The following GNG7 variants were observed in gnomAD, a reference collection of about 807,000 sequenced individuals.
GNG7 encodes guanine nucleotide-binding protein G(I)/G(S)/G(O) subunit gamma-7.
Under a neutral mutation model 4.0 loss-of-function variants are expected in GNG7, and 1 was observed. The ratio of observed to expected loss-of-function variants is 0.25; its 90% confidence interval spans 0.09 to 1.18. The LOEUF is 1.18. GNG7 is among the 50% of genes most tolerant of loss of function. The pLI is 0.50. For missense variants in GNG7, 86 were observed against 91.9 expected (o/e 0.94, Z 0.26); for synonymous variants, 34 against 36.9 (o/e 0.92, Z 0.29).
intron 2 of GNG7, among the ~76,000 whole-genome samples, chr19:2,608,753 T>C (rs1237290286): frequency 6.6e-6 from 1 of 152,160 alleles, no homozygotes; most frequent in East Asian, 1.9e-4. Flanking sequence ...GCACTGAGGC[T>C]GTCAGGGGGC....
At chr19:2,547,683 A>AACCCTAG (rs1568238812) in intron 3 of GNG7, among the ~76,000 whole-genome samples, 2 of 152,016 alleles carry the variant, frequency 1.3e-5, no homozygotes, top group African/African-American at 4.8e-5. Context: ...CATCCCAGAC[A>AACCCTAG]CTGGGTACCA....
chr19:2,639,439 C>T (rs959764355), intron 2 of GNG7, among the ~76,000 whole-genome samples: 1 of 96,482 alleles, frequency 1.0e-5, no homozygotes, highest in Non-Finnish European at 2.2e-5. Flanking sequence ...ATTCACCGGC[C>T]ACCAAGGACA....
intron 2 of GNG7, among the ~76,000 whole-genome samples, chr19:2,603,100 CT>C (rs1981264453): frequency 6.7e-6 from 1 of 150,252 alleles, no homozygotes; most frequent in African/African-American, 2.5e-5. Context: ...GAGTTTCGCT[CT>C]TGTTGCCCAG....
At chr19:2,579,079 G>A (rs1039887818) in intron 2 of GNG7, among the ~76,000 whole-genome samples, 2 of 152,216 alleles carry the variant, frequency 1.3e-5, no homozygotes, top group Admixed American at 6.5e-5. Context: ...CTCGTCTCCG[G>A]CCCTGGCAGC....
intron 2 of GNG7, among the ~76,000 whole-genome samples, chr19:2,601,417 G>C (rs957917186): frequency 2.3e-4 from 35 of 152,210 alleles, no homozygotes; most frequent in African/African-American, 8.4e-4. Context: ...GGCGCGGCTC[G>C]TGCCTATTGC....
chr19:2,629,089 G>A (rs1319158393), intron 2 of GNG7, among the ~76,000 whole-genome samples: 1 of 152,132 alleles, frequency 6.6e-6, no homozygotes. Context: ...CACACAAAGT[G>A]GCCCCCAAGG....
chr19:2,676,617 T>C (rs1460808129), intron 1 of GNG7, among the ~76,000 whole-genome samples: 1 of 152,128 alleles, frequency 6.6e-6, no homozygotes, highest in Non-Finnish European at 1.5e-5. Context: ...GGTTTCACCA[T>C]GTTGCCCAAG....
At chr19:2,568,415 T>C (rs62646523) in intron 2 of GNG7, among the ~76,000 whole-genome samples, 12 of 62,184 alleles carry the variant, frequency 1.9e-4, no homozygotes, top group Admixed American at 9.8e-4. Flanking sequence ...CATATACACA[T>C]AGACATACAC....
At chr19:2,661,341 A>AAAGAAAGAAAGAAAGAAAGAAAGG (rs1983170497) in intron 1 of GNG7, among the ~76,000 whole-genome samples, 1 of 148,980 alleles carries the variant, frequency 6.7e-6, no homozygotes, top group African/African-American at 2.5e-5. Context: ...AGAAAGAAAG[A>AAAGAAAGAAAGAAAGAAAGAAAGG]AAGAAAGAAA....
At chr19:2,642,209 G>T (rs947990002) in intron 2 of GNG7, 1 of 167,102 alleles carries the variant, frequency 6.0e-6, no homozygotes, top group Non-Finnish European at 1.3e-5. Flanking sequence ...TCTGGGACAG[G>T]TCATGGAGAA....
At chr19:2,696,215 AAGAGAGGAG>A (rs1032126328) in intron 1 of GNG7, among the ~76,000 whole-genome samples, 7 of 144,000 alleles carry the variant, frequency 4.9e-5, no homozygotes, top group East Asian at 2.0e-4. Context: ...GGAGAGAGGG[AAGAGAGGAG>A]AGAGAGGAGA....
chr19:2,683,288 TG>T (rs992492321), intron 1 of GNG7, among the ~76,000 whole-genome samples: 4 of 149,290 alleles, frequency 2.7e-5, no homozygotes, highest in Admixed American at 6.7e-5. Flanking sequence ...TAGGCCAGCC[TG>T]GGTGGGAGGC....
rs943186368 is a variant in GNG7, at chr19:2,614,002, G to C, written c.-78+32222C>G. On this transcript the variant is annotated intron_variant, in intron 2 of 4. Coordinates refer to ENST00000382159, the MANE Select transcript of GNG7 (RefSeq NM_052847.3). This position sits in a 1 kb window ranked among gnomAD's most constrained non-coding sequence, Gnocchi z 6.0. The stretch of plus-strand genomic sequence containing the variant: ...CGGCCACAGCGACATCTAAAGGCCG[G>C]CAAGTGCAATGCAGAATCCACCCAG... Among the ~76,000 whole-genome samples, 2 of 152,232 alleles carry C rather than the reference G, an allele frequency of 1.3e-5. No individual in the cohort carries two copies. Among genetic ancestry groups the C allele is most frequent in the Admixed American group, 1.3e-4 (2 of 15,284 alleles).
chr19:2,587,515 T>C (rs1980710368), intron 2 of GNG7, among the ~76,000 whole-genome samples: 1 of 152,118 alleles, frequency 6.6e-6, no homozygotes, highest in Non-Finnish European at 1.5e-5. Flanking sequence ...GCAGAGGCTC[T>C]GGCCGGTGAG....
At chr19:2,620,009 C>G (rs1981824253) in intron 2 of GNG7, among the ~76,000 whole-genome samples, 1 of 151,318 alleles carries the variant, frequency 6.6e-6, no homozygotes, top group Non-Finnish European at 1.5e-5. Context: ...ACCAGCCTGA[C>G]CAACATAAAG....
intron 3 of GNG7, among the ~76,000 whole-genome samples, chr19:2,521,612 G>GTTTTTT (rs71178284): frequency 0.064 from 6,672 of 104,410 alleles, 763 homozygotes; most frequent in African/African-American, 0.16. Context: ...CCCCCTCCGT[G>GTTTTTT]TTTTTTTTTT....
chr19:2,694,219 T>A (rs1427072433), intron 1 of GNG7, among the ~76,000 whole-genome samples: 1 of 151,262 alleles, frequency 6.6e-6, no homozygotes, highest in Non-Finnish European at 1.5e-5. Flanking sequence ...TGGGGAGATT[T>A]TTTTGTTGCT....
In GNG7 at chr19:2,670,041, G is replaced by A. The variant is rs539327617; in HGVS notation, c.-134-23761C>T. ...AAAAAAAAAAGAAAGAAAAAGAAAA[G>A]GTGTGTGGACACCTCACAAGACAGA... On this transcript the variant is annotated intron_variant, in intron 1 of 4. Transcript: ENST00000382159. Among the ~76,000 whole-genome samples the A allele has an allele frequency of 3.3e-5, 5 of 151,288 alleles. No homozygotes were observed. In the East Asian group the frequency reaches 9.7e-4, roughly 29 times the overall value.
rs7252489 is a variant in GNG7, at chr19:2,609,206, C to T, written c.-78+37018G>A. 0.054 allele frequency among the ~76,000 whole-genome samples: 8,162 copies of T among 151,982 alleles called. 742 individuals are homozygous for T. The highest frequency in any genetic ancestry group is 0.19 in the African/African-American group (7,820 of 41,398). On this transcript the variant is annotated intron_variant, in intron 2 of 4. Coordinates refer to ENST00000382159, the MANE Select transcript of GNG7 (RefSeq NM_052847.3). The surrounding 1 kb of genome is among the most constrained non-coding windows in gnomAD (Gnocchi z 4.4). The stretch of plus-strand genomic sequence containing the variant: ...CACACCTGGCTAATTTTTAATTTTT[C>T]GTAGAGATGGGGGTCTCACTATGTT...
Sources: allele counts gnomAD v4.1 joint callset (sites outside exome capture counted in the v4.1 genomes callset), GRCh38; gene constraint gnomAD v4.1.1; non-coding constraint Gnocchi (gnomAD v3.1); transcripts MANE v1.5; gene names NCBI Gene and HGNC (gene_info 2026-07-23, HGNC 2026-07-21).